Variants in SPPL3 observed in about 807,000 individuals in gnomAD.
SPPL3 encodes signal peptide peptidase like 3, also known as signal peptide peptidase-like 3.
In SPPL3, 5 loss-of-function variants were observed where a neutral mutation model predicts 42.4. That is an observed-to-expected ratio of 0.12 (90% CI 0.06 to 0.25). The LOEUF (loss-of-function observed/expected upper bound fraction) is 0.25, where lower values mean the gene tolerates loss of function less well. SPPL3 is among the 10% of genes least tolerant of loss of function. The probability of loss-of-function intolerance (pLI) is 1.00; values close to 1 mark genes in which losing one functional copy is unlikely to be tolerated. For missense variants in SPPL3, 235 were observed against 489.0 expected (o/e 0.48, Z 4.90); for synonymous variants, 195 against 181.8 (o/e 1.07, Z -0.58).
intron 2 of SPPL3, among the ~76,000 whole-genome samples, chr12:120,795,458 TCTTTA>T (rs1441005988): frequency 6.6e-6 from 1 of 152,204 alleles, no homozygotes; most frequent in Non-Finnish European, 1.5e-5. Flanking sequence ...GTCAAAAACA[TCTTTA>T]CTTTGCCTTC....
At chr12:120,809,027 G>A (rs1870593507) in intron 2 of SPPL3, among the ~76,000 whole-genome samples, 1 of 152,170 alleles carries the variant, frequency 6.6e-6, no homozygotes, top group Non-Finnish European at 1.5e-5. Context: ...TTATGAATCT[G>A]GAGTTCTCAG....
Position 120,903,967 on chromosome 12 carries a change from TGCTTGCTTGCTC to T in SPPL3, c.-112_-101del. 1 of 1,029,562 alleles carries T rather than the reference TGCTTGCTTGCTC, an allele frequency of 9.7e-7. No individual in the cohort carries two copies. The highest frequency in any genetic ancestry group is 1.3e-6 in the Non-Finnish European group (1 of 799,628). The allele number at this position is 1,029,562 out of a possible 1,614,324, so 63.8% of individuals were successfully genotyped here. A position where few individuals can be genotyped will look rare whatever the true frequency, so the allele number is the denominator to read the frequency against. On this transcript the variant is annotated 5_prime_UTR_variant, in exon 1 of 11. Coordinates refer to ENST00000353487, the MANE Select transcript of SPPL3 (RefSeq NM_139015.5). ...GAAGGCGCGGCCGGGGTCCGGTGCTTGCTTGCTTGCTCGCTCGCTGGCTCGCTGGCTGCACGG... is the reference window on the plus strand; with the variant it reads ...GAAGGCGCGGCCGGGGTCCGGTGCTTGCTCGCTGGCTCGCTGGCTGCACGG...
intron 1 of SPPL3, chr12:120,845,020 G>A (rs552636008): frequency 3.1e-4 from 74 of 236,548 alleles, no homozygotes; most frequent in African/African-American, 1.7e-3. Context: ...CCGAACCATG[G>A]AGGCAGCTTC....
intron 1 of SPPL3, among the ~76,000 whole-genome samples, chr12:120,863,805 C>CTT (rs34937059): frequency 7.0e-6 from 1 of 141,984 alleles, no homozygotes; most frequent in African/African-American, 2.6e-5. Flanking sequence ...CCACATTTAG[C>CTT]TTTTTTTTTT....
intron 1 of SPPL3, among the ~76,000 whole-genome samples, chr12:120,859,314 G>A (rs1333416858): frequency 6.6e-6 from 1 of 152,066 alleles, no homozygotes; most frequent in African/African-American, 2.4e-5. Flanking sequence ...CTGCATTTTG[G>A]ATAATTTTGG....
chr12:120,808,488 T>C (rs1870577984), intron 2 of SPPL3, among the ~76,000 whole-genome samples: 1 of 152,194 alleles, frequency 6.6e-6, no homozygotes, highest in African/African-American at 2.4e-5. Flanking sequence ...AATCCTAAAA[T>C]GATATAGCCC....
chr12:120,882,156 T>C lies in SPPL3; in HGVS notation c.23+21689A>G, dbSNP rs1378783969. Reference sequence around the variant, plus strand: ...CCATCTTCATGCTATATACATACACTACCCCTACCCACCAGTTTGACATTT... The same window carrying C: ...CCATCTTCATGCTATATACATACACCACCCCTACCCACCAGTTTGACATTT... On this transcript the variant is annotated intron_variant, in intron 1 of 10. Transcript: ENST00000353487. Among the ~76,000 whole-genome samples the C allele has an allele frequency of 2.6e-5, 4 of 152,208 alleles. No individual in the cohort carries two copies. In the East Asian group the frequency reaches 5.8e-4, roughly 22 times the overall value.
At chr12:120,786,346 A>G (rs766870664) in intron 3 of SPPL3, among the ~76,000 whole-genome samples, 9 of 152,344 alleles carry the variant, frequency 5.9e-5, no homozygotes, top group Non-Finnish European at 1.2e-4. Flanking sequence ...TAAGTGCTCT[A>G]CAGTAGTTCA....
intron 1 of SPPL3, among the ~76,000 whole-genome samples, chr12:120,854,990 C>T (rs1592997319): frequency 6.6e-6 from 1 of 152,158 alleles, no homozygotes; most frequent in Admixed American, 6.5e-5. Flanking sequence ...GATGACCCTC[C>T]ACAAGGGGCA....
intron 1 of SPPL3, among the ~76,000 whole-genome samples, chr12:120,869,018 T>C (rs1001249307): frequency 6.6e-6 from 1 of 152,162 alleles, no homozygotes; most frequent in African/African-American, 2.4e-5. Context: ...ATAGTCTACA[T>C]AACTTAAAAA....
rs535296603 is a variant in SPPL3 at position 120,818,791 on chromosome 12, C to T, written c.24-7905G>A. 6.7e-5 allele frequency among the ~76,000 whole-genome samples: 10 copies of T among 149,966 alleles called. No homozygotes were observed. The East Asian group carries it at 1.4e-3, about 21-fold the overall frequency. On this transcript the variant is annotated intron_variant, in intron 1 of 10. Transcript: ENST00000353487. Reference sequence around the variant, plus strand: ...GCACATGTGGGTTAGTGATATTTACCGTATTAAATTAAAACTGAGAAAAAG... The same window carrying T: ...GCACATGTGGGTTAGTGATATTTACTGTATTAAATTAAAACTGAGAAAAAG...
intron 6 of SPPL3, among the ~76,000 whole-genome samples, chr12:120,777,382 G>T (rs1171788353): frequency 6.6e-6 from 1 of 152,178 alleles, no homozygotes; most frequent in African/African-American, 2.4e-5. Flanking sequence ...ATTTTTAAAA[G>T]ATTAGGTTTT....
chr12:120,845,165 C>T (rs942566775), intron 1 of SPPL3: 9 of 464,454 alleles, frequency 1.9e-5, no homozygotes, highest in African/African-American at 1.4e-4. Context: ...TAGAGCCCGT[C>T]GCCACTGGTG....
Position 120,828,652 on chromosome 12 carries a change from T to C in SPPL3, c.24-17766A>G, listed in dbSNP as rs1186849676. The stretch of plus-strand genomic sequence containing the variant: ...CTATAAAACTACAGTATTTATAGTG[T>C]GAATTGGTGAGGAATACACGTACTG... On this transcript the variant is annotated intron_variant, in intron 1 of 10. Transcript: ENST00000353487. Among the ~76,000 whole-genome samples the C allele has an allele frequency of 5.5e-4, 83 of 152,218 alleles. 1 individual carries two copies. The highest frequency in any genetic ancestry group is 5.4e-3 in the Admixed American group (82 of 15,280).
At chr12:120,878,871 T>C (rs7316132) in intron 1 of SPPL3, among the ~76,000 whole-genome samples, 13,423 of 151,940 alleles carry the variant, frequency 0.088, 1,734 homozygotes, top group African/African-American at 0.29. Context: ...CCCAGCACTT[T>C]GGGAGGCTGA....
chr12:120,780,587 TAA>T lies in SPPL3; in HGVS notation c.502+2066_502+2067del, dbSNP rs34476118. On this transcript the variant is annotated intron_variant, in intron 6 of 10. Coordinates refer to ENST00000353487, the MANE Select transcript of SPPL3 (RefSeq NM_139015.5). The stretch of plus-strand genomic sequence containing the variant: ...AACATGAAGACACCCTGTCTCTATT[TAA>T]AAAAAAAAAAAAAAAAAGCTGGGCG... Among the ~76,000 whole-genome samples, 159 of 124,586 alleles carry T rather than the reference TAA, an allele frequency of 1.3e-3. 1 individual carries two copies. The highest frequency in any genetic ancestry group is 6.0e-3 in the South Asian group (23 of 3,814). The allele number at this position is 124,586 out of a possible 152,430, so 81.7% of individuals were successfully genotyped here.
intron 1 of SPPL3, among the ~76,000 whole-genome samples, chr12:120,864,965 G>A (rs1468661900): frequency 6.6e-6 from 1 of 152,190 alleles, no homozygotes; most frequent in African/African-American, 2.4e-5. Flanking sequence ...TGGTGCCACT[G>A]CCTTGATTCA....
In SPPL3 at chr12:120,847,892, T is replaced by C. The variant is rs1872095549; in HGVS notation, c.24-37006A>G. ...CTGGCTTTCAAAATGCCACATTGAA[T>C]CTGAACCGTGCTCATTTTAACTACC... On this transcript the variant is annotated intron_variant, in intron 1 of 10. Transcript: ENST00000353487. Among the ~76,000 whole-genome samples, 3 of 152,202 alleles carry C rather than the reference T, an allele frequency of 2.0e-5. No individual in the cohort carries two copies. The South Asian group carries it at 6.2e-4, about 32-fold the overall frequency.
chr12:120,874,770 T>A (rs984660837), intron 1 of SPPL3, among the ~76,000 whole-genome samples: 9 of 151,216 alleles, frequency 6.0e-5, no homozygotes, highest in African/African-American at 1.9e-4. Flanking sequence ...TGAGTGTGAG[T>A]GTGTGTGTGT....
Sources: gnomAD v4.1 joint callset for allele counts (sites outside exome capture counted in the v4.1 genomes callset) on GRCh38, gnomAD v4.1.1 for gene constraint, MANE v1.5 for transcripts, NCBI Gene and HGNC (gene_info 2026-07-23, HGNC 2026-07-21) for gene names.